Variants in SYT1 observed in about 807,000 individuals in gnomAD.
SYT1 encodes the protein synaptotagmin 1, also known as synaptotagmin-1.
SYT1 carries 8 observed loss-of-function variants against 44.8 expected under a neutral mutation model. The observed-to-expected ratio is 0.18, with a 90% CI of 0.10 to 0.32. The LOEUF is 0.32. SYT1 is among the 10% of genes least tolerant of loss of function. SYT1 has a pLI of 1.00. For synonymous variants in SYT1, 154 were observed against 188.8 expected, an observed-to-expected ratio of 0.82 and a Z score of 1.51; for missense variants, 286 against 509.3, an observed-to-expected ratio of 0.56 and a Z score of 4.22.
At chr12:79,052,812 A>G (rs1289431982) in intron 3 of SYT1, among the ~76,000 whole-genome samples, 1 of 151,952 alleles carries the variant, frequency 6.6e-6, no homozygotes, top group Non-Finnish European at 1.5e-5. Flanking sequence ...ATGAGATACC[A>G]TCTCACACCA....
At chr12:79,430,886 C>T (rs1448033660) in intron 9 of SYT1, among the ~76,000 whole-genome samples, 1 of 152,192 alleles carries the variant, frequency 6.6e-6, no homozygotes, top group Non-Finnish European at 1.5e-5. Context: ...GGATTCCCAC[C>T]ATGTGCCAGG....
At chr12:79,411,151 A>T (rs188340306) in intron 9 of SYT1, among the ~76,000 whole-genome samples, 68 of 152,348 alleles carry the variant, frequency 4.5e-4, no homozygotes, top group African/African-American at 1.6e-3. Context: ...TGGGGTCTTC[A>T]TCTATCACAA....
intron 8 of SYT1, among the ~76,000 whole-genome samples, chr12:79,312,313 G>A (rs73351088): frequency 0.011 from 1,614 of 152,218 alleles, 31 homozygotes; most frequent in African/African-American, 0.037. Flanking sequence ...GCCTGTATTA[G>A]GTTCTGAACC....
chr12:79,182,591 C>T (rs189674472), intron 3 of SYT1, among the ~76,000 whole-genome samples: 68 of 152,086 alleles, frequency 4.5e-4, no homozygotes, highest in African/African-American at 1.6e-3. Flanking sequence ...AGATGATATG[C>T]GTATAGTTCA....
At chr12:79,350,518 C>A (rs1882852543) in intron 8 of SYT1, among the ~76,000 whole-genome samples, 1 of 152,088 alleles carries the variant, frequency 6.6e-6, no homozygotes, top group Non-Finnish European at 1.5e-5. Flanking sequence ...TCCCAAAGAG[C>A]TGGGATTACA....
intron 1 of SYT1, among the ~76,000 whole-genome samples, chr12:78,927,855 C>T (rs993026909): frequency 6.6e-6 from 1 of 152,096 alleles, no homozygotes; most frequent in African/African-American, 2.4e-5. Context: ...ACTAAATACC[C>T]TTTCAAAATG....
intron 4 of SYT1, among the ~76,000 whole-genome samples, chr12:79,257,712 CT>C (rs1292870862): frequency 3.9e-5 from 6 of 152,176 alleles, no homozygotes; most frequent in Non-Finnish European, 7.4e-5. Context: ...TGATCTCGAT[CT>C]CTTGACCTGG....
chr12:79,230,718 T>G lies in SYT1; in HGVS notation c.166+13033T>G, dbSNP rs537250532. Among the ~76,000 whole-genome samples, 64 of 152,216 alleles carry G rather than the reference T, an allele frequency of 4.2e-4. No individual in the cohort carries two copies. The Middle Eastern group carries it at 0.01, about 24-fold the overall frequency. On this transcript the variant is annotated intron_variant, in intron 4 of 10. Transcript: ENST00000261205. ...TAGTGTTGAGGGATTTTTATAAACT[T>G]CCAAAGCACAGGTAATACAGAGTAA...
intron 3 of SYT1, among the ~76,000 whole-genome samples, chr12:79,158,936 C>T (rs1177386274): frequency 6.6e-6 from 1 of 151,742 alleles, no homozygotes; most frequent in African/African-American, 2.4e-5. Context: ...AATTTATAGT[C>T]AAAGAAAAGT....
At chr12:79,008,247 G>T (rs1871212997) in intron 2 of SYT1, among the ~76,000 whole-genome samples, 1 of 152,132 alleles carries the variant, frequency 6.6e-6, no homozygotes. Context: ...GATTCAGCAT[G>T]TGCAAAAGTC....
At chr12:79,225,259 A>G (rs1005748796) in intron 4 of SYT1, among the ~76,000 whole-genome samples, 3 of 152,338 alleles carry the variant, frequency 2.0e-5, no homozygotes, top group African/African-American at 7.2e-5. Flanking sequence ...GAAGCATACA[A>G]GGAATCAGCT....
chr12:79,307,883 T>A (rs560854795), intron 8 of SYT1, among the ~76,000 whole-genome samples: 7 of 152,224 alleles, frequency 4.6e-5, no homozygotes, highest in African/African-American at 1.4e-4. Context: ...GATTACCTGG[T>A]CGGTGAAGAA....
At chr12:79,168,072 C>G (rs1871317630) in intron 3 of SYT1, among the ~76,000 whole-genome samples, 1 of 152,070 alleles carries the variant, frequency 6.6e-6, no homozygotes, top group Non-Finnish European at 1.5e-5. Flanking sequence ...CAGTTCCTAA[C>G]AGGCCATGGA....
intron 9 of SYT1, among the ~76,000 whole-genome samples, chr12:79,372,003 T>C (rs2136051007): frequency 6.6e-6 from 1 of 152,346 alleles, no homozygotes; most frequent in South Asian, 2.1e-4. Context: ...CTGTGTTCTG[T>C]ACATACCTTT....
intron 3 of SYT1, among the ~76,000 whole-genome samples, chr12:79,059,696 C>T (rs1299408981): frequency 6.6e-6 from 1 of 152,048 alleles, no homozygotes; most frequent in Non-Finnish European, 1.5e-5. Context: ...CTTGGTAAGG[C>T]CAGGCCAGAC....
At chr12:78,969,806 A>G (rs1868333945) in intron 1 of SYT1, among the ~76,000 whole-genome samples, 1 of 152,144 alleles carries the variant, frequency 6.6e-6, no homozygotes, top group Non-Finnish European at 1.5e-5. Flanking sequence ...TCAGTCTTGC[A>G]TTTTGAGTAT....
chr12:78,981,408 G>C (rs1039039036), intron 2 of SYT1, among the ~76,000 whole-genome samples: 1 of 152,126 alleles, frequency 6.6e-6, no homozygotes, highest in African/African-American at 2.4e-5. Flanking sequence ...TTACAGGTGA[G>C]AGCCACCATG....
At chr12:79,140,513 G>A (rs1057312172) in intron 3 of SYT1, among the ~76,000 whole-genome samples, 1 of 152,046 alleles carries the variant, frequency 6.6e-6, no homozygotes, top group East Asian at 1.9e-4. Flanking sequence ...GTATTTGTTG[G>A]GGTCTTAGAT....
chr12:79,247,244 C>T (rs754746383), intron 4 of SYT1, among the ~76,000 whole-genome samples: 4 of 152,102 alleles, frequency 2.6e-5, no homozygotes, highest in Non-Finnish European at 5.9e-5. Flanking sequence ...CATCTTTTCT[C>T]ACCTGTATAG....
Sources: allele counts gnomAD v4.1 joint callset (sites outside exome capture counted in the v4.1 genomes callset), GRCh38; gene constraint gnomAD v4.1.1; transcripts MANE v1.5; gene names NCBI Gene and HGNC (gene_info 2026-07-23, HGNC 2026-07-21).